PCDHGA6: variants seen among roughly 807,000 people sequenced by gnomAD.
The protein encoded by PCDHGA6 is protocadherin gamma subfamily A, 6, also known as protocadherin gamma-A6.
Under a neutral mutation model 60.6 loss-of-function variants are expected in PCDHGA6, and 41 were observed. That is an observed-to-expected ratio of 0.68 (90% CI 0.53 to 0.88). PCDHGA6 has a LOEUF of 0.88. Ranked by LOEUF, PCDHGA6 falls within the 40% of genes least tolerant of loss-of-function variation. PCDHGA6 has a pLI of 0.00. For synonymous variants in PCDHGA6, 594 were observed against 524.4 expected (o/e 1.13, Z -1.81); for missense variants, 1,312 against 1,203.0 (o/e 1.09, Z -1.34).
In PCDHGA6 at chr5:141,374,861, C is replaced by T. The variant is rs1252622215; in HGVS notation, c.778C>T (p.Pro260Ser). ...SVPENLPVGT[P>S]VLAVTATDQD... ...TCCTGAAAACCTGCCAGTAGGCACA[C>T]CAGTGTTGGCAGTGACTGCCACCGA... Residue 260 changes from proline (P) to serine (S), a missense_variant, in exon 1 of 4, where the codon CCA becomes TCA. By Grantham distance (74) the Pro-to-Ser change is moderately conservative (BLOSUM62 -1). Transcript: ENST00000517434. The T allele has an allele frequency of 1.9e-6, 3 of 1,613,638 alleles. No individual in the cohort carries two copies. The highest frequency in any genetic ancestry group is 2.5e-6 in the Non-Finnish European group (3 of 1,179,906).
rs764337284 is a variant in PCDHGA6, at chr5:141,490,255, G to A, written c.2425-4552G>A. Reference sequence around the variant, plus strand: ...GGAGGGCCACTGTGTGATTCAAGTGGATGTGGGGGATGTCAATGACAATGC... The same window carrying A: ...GGAGGGCCACTGTGTGATTCAAGTGAATGTGGGGGATGTCAATGACAATGC... On this transcript the variant is annotated intron_variant, in intron 1 of 3. Transcript: ENST00000517434. The surrounding 1 kb of genome is among the most constrained non-coding windows in gnomAD (Gnocchi z 5.4). 6 of 1,614,118 alleles carry A rather than the reference G, an allele frequency of 3.7e-6. No individual in the cohort carries two copies. In the Admixed American group the frequency reaches 6.7e-5, roughly 18 times the overall value.
rs775247725 is a variant in PCDHGA6, at chr5:141,393,523, A to T, written c.2424+17016A>T. The T allele has an allele frequency of 2.0e-5, 33 of 1,613,900 alleles. No individual in the cohort carries two copies. Among genetic ancestry groups the T allele is most frequent in the Middle Eastern group, 1.6e-4 (1 of 6,084 alleles). ...CACGTGACAGTGTTGGATACAAATG[A>T]CAATGCCCCGGTTTTTCCTCACCCG... is the stretch of plus-strand genomic sequence containing the variant. On this transcript the variant is annotated intron_variant, in intron 1 of 3. Transcript: ENST00000517434.
At chr5:141,399,670 GCCTTTGACTACGAGCAGCTGCGCA>G (rs758329241) in intron 1 of PCDHGA6, 2 of 1,613,610 alleles carry the variant, frequency 1.2e-6, no homozygotes, top group East Asian at 4.5e-5. Context: ...CGCGCAGCGC[GCCTTTGACTACGAGCAGCTGCGCA>G]CCTTCGAACT....
chr5:141,489,151 AAG>A lies in PCDHGA6; in HGVS notation c.2425-5652_2425-5651del. ...TTTTTAAGAGGCTGGAAGGAGACAT[AAG>A]AGACTTCAGCTGCTGCATTCCAAGC... On this transcript the variant is annotated intron_variant, in intron 1 of 3. Coordinates refer to ENST00000517434, the MANE Select transcript of PCDHGA6 (RefSeq NM_018919.3). The surrounding 1 kb of genome is among the most constrained non-coding windows in gnomAD (Gnocchi z 4.5). The A allele has an allele frequency of 1.1e-6, 1 of 932,970 alleles. No homozygotes were observed. The highest frequency in any genetic ancestry group is 1.6e-6 in the Non-Finnish European group (1 of 622,054). 57.8% of individuals were successfully genotyped at this position (932,970 alleles called of 1,614,324 possible).
intron 1 of PCDHGA6, chr5:141,407,978 A>ATCCGTCAGCCTCTGGCCTGGGAT (rs2095018425): frequency 2.7e-6 from 2 of 743,974 alleles, no homozygotes; most frequent in Non-Finnish European, 4.1e-6. Context: ...GACGCCGGGG[A>ATCCGTCAGCCTCTGGCCTGGGAT]TCCGTCAGCC....
intron 1 of PCDHGA6, chr5:141,383,744 G>A: frequency 1.2e-6 from 2 of 1,613,886 alleles, no homozygotes; most frequent in South Asian, 1.1e-5. Flanking sequence ...TATTCTTTTC[G>A]GAAAATAACT....
At chr5:141,461,185 C>T (rs2154567265) in intron 1 of PCDHGA6, among the ~76,000 whole-genome samples, 1 of 152,134 alleles carries the variant, frequency 6.6e-6, no homozygotes, top group East Asian at 1.9e-4. Context: ...AATGGTAGAT[C>T]TGTTTTTTGC....
Position 141,375,833 on chromosome 5 carries a change from C to G in PCDHGA6, c.1750C>G (p.Pro584Ala). 6.2e-7 allele frequency: 1 copy of G among 1,614,152 alleles called. No homozygotes were observed. The highest frequency in any genetic ancestry group is 1.1e-5 in the South Asian group (1 of 91,076). The stretch of plus-strand genomic sequence containing the variant: ...GGAGCTGGCGCCCCGCTCCGCAGAG[C>G]CCGGCTACCTGGTGACCAAGGTGGT... ...GVELAPRSAEPGYLVTKVVAV... is the reference protein window; with the variant it reads ...GVELAPRSAEAGYLVTKVVAV... The change falls in exon 1 of 4, where the codon CCC becomes GCC. Residue 584 changes from proline (P) to alanine (A), a missense_variant. Physicochemically the swap from Pro to Ala is conservative, Grantham distance 27. Coordinates refer to ENST00000517434, the MANE Select transcript of PCDHGA6 (RefSeq NM_018919.3).
chr5:141,408,263 C>G, intron 1 of PCDHGA6: 1 of 1,606,854 alleles, frequency 6.2e-7, no homozygotes. Flanking sequence ...ATTTCCTTTG[C>G]TGCTGCCTTT....
chr5:141,429,858 A>T (rs1183727412), intron 1 of PCDHGA6, among the ~76,000 whole-genome samples: 1 of 152,192 alleles, frequency 6.6e-6, no homozygotes, highest in East Asian at 1.9e-4. Context: ...CATTCTTTGG[A>T]CTACCAATTT....
intron 1 of PCDHGA6, chr5:141,410,277 T>A (rs1461250700): frequency 1.9e-6 from 3 of 1,613,896 alleles, no homozygotes; most frequent in Non-Finnish European, 2.5e-6. Context: ...CAGTTTTACC[T>A]GGTGGTGGCC....
intron 1 of PCDHGA6, chr5:141,419,592 T>C (rs1561782617): frequency 6.2e-7 from 1 of 1,611,670 alleles, no homozygotes. Context: ...TTCGACACAG[T>C]GCCGCGGGCC....
Position 141,374,718 on chromosome 5 carries a change from T to A in PCDHGA6, c.635T>A (p.Leu212His), listed in dbSNP as rs1462422521. The A allele has an allele frequency of 3.7e-6, 6 of 1,609,996 alleles. No homozygotes were observed. The highest frequency in any genetic ancestry group is 5.1e-6 in the Non-Finnish European group (6 of 1,178,004). ...GGAGAAGCCGTTTACCGCCTGGTCC[T>A]TACTGCCATGGATGGCGGCGACCCT... The part of the protein sequence containing the change: ...REGEAVYRLV[L>H]TAMDGGDPVR... The change falls in exon 1 of 4, where the codon CTT becomes CAT. Residue 212 changes from leucine (L) to histidine (H), a missense_variant. Coordinates refer to ENST00000517434, the MANE Select transcript of PCDHGA6 (RefSeq NM_018919.3).
At chr5:141,392,930 G>A (rs568235859) in intron 1 of PCDHGA6, 2 of 1,613,790 alleles carry the variant, frequency 1.2e-6, no homozygotes, top group Non-Finnish European at 1.7e-6. Flanking sequence ...CAGAAGAGAC[G>A]GACAAAGGCT....
rs1436956912 is a variant in PCDHGA6, at chr5:141,438,609, TATATATATATATATATATATATATATAC to T, written c.2425-56196_2425-56169del. Reference sequence around the variant, plus strand: ...ATACATACATATATATATATATATATATATATATATATATATATATATATATACACACACACACACACATATATGTATA... The same window carrying T: ...ATACATACATATATATATATATATATACACACACACACACATATATGTATA... On this transcript the variant is annotated intron_variant, in intron 1 of 3. Coordinates refer to ENST00000517434, the MANE Select transcript of PCDHGA6 (RefSeq NM_018919.3). Among the ~76,000 whole-genome samples the T allele has an allele frequency of 2.2e-3, 92 of 41,082 alleles. 2 individuals are homozygous for T. Among genetic ancestry groups the T allele is most frequent in the East Asian group, 7.4e-3 (6 of 810 alleles). The allele number at this position is 41,082 out of a possible 152,430, so 27.0% of individuals were successfully genotyped here.
At chr5:141,461,861 T>C (rs1445632008) in intron 1 of PCDHGA6, among the ~76,000 whole-genome samples, 8 of 152,182 alleles carry the variant, frequency 5.3e-5, no homozygotes, top group Middle Eastern at 3.4e-3. Flanking sequence ...TTTGCTCTTG[T>C]TGCCCAGGCT....
At chr5:141,384,210 C>A in intron 1 of PCDHGA6, 1 of 1,613,886 alleles carries the variant, frequency 6.2e-7, no homozygotes, top group Admixed American at 1.7e-5. Flanking sequence ...GGGAAACTCA[C>A]ATATTCATGC....
rs543366398 is a variant in PCDHGA6 at position 141,390,062 on chromosome 5, G to A, written c.2424+13555G>A. On this transcript the variant is annotated intron_variant, in intron 1 of 3. Coordinates refer to ENST00000517434, the MANE Select transcript of PCDHGA6 (RefSeq NM_018919.3). ...GCCCCGCCTCCTGGAGCTGCTTCCAGCCTGGTCTCTGTGTTAAATCCGAAT... is the reference window on the plus strand; with the variant it reads ...GCCCCGCCTCCTGGAGCTGCTTCCAACCTGGTCTCTGTGTTAAATCCGAAT... 101 of 1,614,064 alleles carry A rather than the reference G, an allele frequency of 6.3e-5. 1 individual carries two copies. The Admixed American group carries it at 8.2e-4, about 13-fold the overall frequency.
intron 1 of PCDHGA6, among the ~76,000 whole-genome samples, chr5:141,439,537 C>T (rs1404605731): frequency 6.6e-6 from 1 of 152,206 alleles, no homozygotes; most frequent in African/African-American, 2.4e-5. Flanking sequence ...GAACGCTGTC[C>T]TCTCATTTCT....
Sources: allele counts gnomAD v4.1 joint callset (sites outside exome capture counted in the v4.1 genomes callset), GRCh38; gene constraint gnomAD v4.1.1; non-coding constraint Gnocchi (gnomAD v3.1); transcripts MANE v1.5; gene names NCBI Gene and HGNC (gene_info 2026-07-23, HGNC 2026-07-21).